The following TNFRSF11A variants were observed in gnomAD, a reference collection of about 807,000 sequenced individuals.
The protein encoded by TNFRSF11A is tumor necrosis factor receptor superfamily member 11A.
A neutral mutation model predicts 55.7 loss-of-function variants in TNFRSF11A; 32 were observed. That is an observed-to-expected ratio of 0.57 (90% CI 0.43 to 0.77). The LOEUF (loss-of-function observed/expected upper bound fraction) is 0.77. Among genes scored for constraint, TNFRSF11A ranks in the 30% least tolerant of loss-of-function variants. The pLI, the probability that TNFRSF11A is intolerant of heterozygous loss-of-function variation, is 0.00. For synonymous variants in TNFRSF11A, 311 were observed against 331.0 expected, an observed-to-expected ratio of 0.94 and a Z score of 0.65; for missense variants, 753 against 809.8, an observed-to-expected ratio of 0.93 and a Z score of 0.85.
At chr18:62,351,149 C>T (rs1249820270) in intron 3 of TNFRSF11A, among the ~76,000 whole-genome samples, 1 of 151,756 alleles carries the variant, frequency 6.6e-6, no homozygotes, top group Non-Finnish European at 1.5e-5. Flanking sequence ...ATTACAGGCA[C>T]GTGCCACCAT....
chr18:62,347,695 C>T (rs1437509959), intron 1 of TNFRSF11A, among the ~76,000 whole-genome samples: 1 of 152,024 alleles, frequency 6.6e-6, no homozygotes, highest in Admixed American at 6.6e-5. Flanking sequence ...GGTGGATCAC[C>T]TGAGGTCAGG....
chr18:62,338,217 T>C (rs1313388596), intron 1 of TNFRSF11A, among the ~76,000 whole-genome samples: 1 of 152,214 alleles, frequency 6.6e-6, no homozygotes. Context: ...GGAACCCTCA[T>C]GCAGTGCTGC....
Position 62,361,688 on chromosome 18 carries a change from G to A in TNFRSF11A, c.625G>A (p.Val209Ile), listed in dbSNP as rs146793660. 2,665 of 1,613,968 alleles carry A rather than the reference G, an allele frequency of 1.7e-3. 79 individuals are homozygous for A. The Admixed American group carries it at 0.042, about 26-fold the overall frequency. Reference sequence around the variant, plus strand: ...ATTTTCTTCCAATACAGAACCCCATGTTTACTTGCCCGGTTTAATAATTCT... The same window carrying A: ...ATTTTCTTCCAATACAGAACCCCATATTTACTTGCCCGGTTTAATAATTCT... ...PARKPPNEPH[V>I]YLPGLIILLL... Residue 209 changes from valine (V) to isoleucine (I), a missense_variant, in exon 7 of 10, where the codon GTT (valine) becomes ATT (isoleucine). By Grantham distance (29) the Val-to-Ile change is conservative (BLOSUM62 3). Around this residue, in one of 3 missense-constraint regions of TNFRSF11A, gnomAD observed 567 missense variants for 596.7 expected, o/e 0.95. Coordinates refer to ENST00000586569, the MANE Select transcript of TNFRSF11A (RefSeq NM_003839.4).
At chr18:62,338,179 CAT>C (rs1158163509) in intron 1 of TNFRSF11A, among the ~76,000 whole-genome samples, 14 of 152,154 alleles carry the variant, frequency 9.2e-5, no homozygotes, top group African/African-American at 2.4e-4. Context: ...CAGAAAATAA[CAT>C]GTGTTGTTGA....
At chr18:62,371,289 C>T (rs1353376256) in intron 9 of TNFRSF11A, among the ~76,000 whole-genome samples, 1 of 152,088 alleles carries the variant, frequency 6.6e-6, no homozygotes, top group Non-Finnish European at 1.5e-5. Context: ...GTGGGTGACA[C>T]CAGGAAGATG....
Position 62,369,488 on chromosome 18 carries a change from A to G in TNFRSF11A, c.1567+4A>G, listed in dbSNP as rs1286014960. The G allele has an allele frequency of 1.2e-6, 2 of 1,604,476 alleles. No individual in the cohort carries two copies. The highest frequency in any genetic ancestry group is 1.3e-5 in the African/African-American group (1 of 75,038). On this transcript the variant is annotated splice_donor_region_variant and intron_variant, in intron 9 of 9. Coordinates refer to ENST00000586569, the MANE Select transcript of TNFRSF11A (RefSeq NM_003839.4). Reference sequence around the variant, plus strand: ...GGTGGCCAGTCCCCTGCATCTGGTAAGTGACTTCCCAGTCTCTCACTTCTG... The same window carrying G: ...GGTGGCCAGTCCCCTGCATCTGGTAGGTGACTTCCCAGTCTCTCACTTCTG...
intron 3 of TNFRSF11A, among the ~76,000 whole-genome samples, chr18:62,350,656 C>A (rs2046454478): frequency 6.6e-6 from 1 of 152,118 alleles, no homozygotes; most frequent in Admixed American, 6.6e-5. Context: ...AAGGTTAACA[C>A]GTGTGAAGCA....
intron 1 of TNFRSF11A, among the ~76,000 whole-genome samples, chr18:62,343,719 C>G (rs1296937630): frequency 6.6e-6 from 1 of 152,126 alleles, no homozygotes; most frequent in Non-Finnish European, 1.5e-5. Flanking sequence ...GTAGAAGACA[C>G]AAAAAGACAC....
intron 1 of TNFRSF11A, among the ~76,000 whole-genome samples, chr18:62,329,533 G>A (rs1206579487): frequency 1.3e-5 from 2 of 152,138 alleles, no homozygotes; most frequent in Non-Finnish European, 2.9e-5. Flanking sequence ...GGCTTTCTAT[G>A]GTGTCCACTG....
chr18:62,371,109 C>T (rs1021472415), intron 9 of TNFRSF11A, among the ~76,000 whole-genome samples: 7 of 152,344 alleles, frequency 4.6e-5, no homozygotes, highest in South Asian at 2.1e-4. Flanking sequence ...GGATTGCAGG[C>T]GTGAGCCACT....
At chr18:62,344,078 A>T (rs965345965) in intron 1 of TNFRSF11A, among the ~76,000 whole-genome samples, 2 of 152,210 alleles carry the variant, frequency 1.3e-5, no homozygotes, top group African/African-American at 4.8e-5. Context: ...TAGGCCCTCG[A>T]TTAGATCACA....
At chr18:62,345,273 A>G (rs1335627231) in intron 1 of TNFRSF11A, among the ~76,000 whole-genome samples, 1 of 152,208 alleles carries the variant, frequency 6.6e-6, no homozygotes, top group Non-Finnish European at 1.5e-5. Flanking sequence ...AAAAGGGGCA[A>G]TAAAGGCATG....
At chr18:62,366,565 G>A in intron 7 of TNFRSF11A, 143 bp from the exon 8 acceptor site, 1 of 876,054 alleles carries the variant, frequency 1.1e-6, no homozygotes, top group Non-Finnish European at 1.9e-6. Flanking sequence ...ATGTTAATTT[G>A]CTTCACTATA....
intron 1 of TNFRSF11A, among the ~76,000 whole-genome samples, chr18:62,338,022 A>T (rs1243102628): frequency 6.6e-6 from 1 of 152,258 alleles, no homozygotes; most frequent in African/African-American, 2.4e-5. Flanking sequence ...CATTTCTTCA[A>T]GGAAGATACA....
At chr18:62,345,013 G>A (rs2046362924) in intron 1 of TNFRSF11A, among the ~76,000 whole-genome samples, 1 of 152,242 alleles carries the variant, frequency 6.6e-6, no homozygotes, top group African/African-American at 2.4e-5. Flanking sequence ...GCGTCAAGGG[G>A]ACAAGTCGGT....
intron 1 of TNFRSF11A, among the ~76,000 whole-genome samples, chr18:62,333,385 A>G (rs1568471264): frequency 6.6e-6 from 1 of 152,200 alleles, no homozygotes; most frequent in Non-Finnish European, 1.5e-5. Flanking sequence ...TGATTCTGAC[A>G]CATGCTCAAG....
At position 62,390,996 on chromosome 18, in the gene TNFRSF11A, A is replaced by G. The variant is rs2957124; in HGVS notation, c.*5962A>G. ...AATATTTCAACATCCCAAAGTTCCC[A>G]TTTCCCTTTTCAGTCAATCCCTTCC... On this transcript the variant is annotated 3_prime_UTR_variant, in exon 10 of 10. Coordinates refer to ENST00000586569, the MANE Select transcript of TNFRSF11A (RefSeq NM_003839.4). 0.56 allele frequency: 84,712 copies of G among 152,036 alleles called. 24,251 individuals are homozygous for G. Among genetic ancestry groups the G allele is most frequent in the Middle Eastern group, 0.72 (211 of 294 alleles). 9.4% of individuals were successfully genotyped at this position (152,036 alleles called of 1,614,324 possible).
Position 62,349,886 on chromosome 18 carries a change from G to T in TNFRSF11A, c.232G>T (p.Asp78Tyr), listed in dbSNP as rs1328824982. 6.2e-7 allele frequency: 1 copy of T among 1,614,130 alleles called. No homozygotes were observed. Among genetic ancestry groups the T allele is most frequent in the Non-Finnish European group, 8.5e-7 (1 of 1,179,998 alleles). The change falls in exon 3 of 10, where the codon GAT becomes TAT. Residue 78 changes from aspartate (D) to tyrosine (Y), a missense_variant. Around this residue, in one of 3 missense-constraint regions of TNFRSF11A, gnomAD observed 156 missense variants for 155.1 expected, o/e 1.01. Coordinates refer to ENST00000586569, the MANE Select transcript of TNFRSF11A (RefSeq NM_003839.4). ...CLPCGPDEYL[D>Y]SWNEEDKCLL... is the part of the protein sequence containing the mutation. ...GCCCTGTGGCCCGGATGAATACTTG[G>T]ATAGCTGGAATGAAGAAGATAAATG...
intron 8 of TNFRSF11A, among the ~76,000 whole-genome samples, chr18:62,367,084 A>G (rs1910146200): frequency 6.6e-6 from 1 of 152,226 alleles, no homozygotes; most frequent in Non-Finnish European, 1.5e-5. Flanking sequence ...TCCTGGCCTC[A>G]AGTGATCCAC....
Sources: allele counts gnomAD v4.1 joint callset (sites outside exome capture counted in the v4.1 genomes callset), GRCh38; gene constraint gnomAD v4.1.1; regional missense constraint gnomAD v4.1.1; transcripts MANE v1.5; gene names NCBI Gene and HGNC (gene_info 2026-07-23, HGNC 2026-07-21).